PLXDC2: variants seen among roughly 807,000 people sequenced by gnomAD.
PLXDC2 encodes plexin domain-containing protein 2.
PLXDC2 carries 40 observed loss-of-function variants against 68.9 expected under a neutral mutation model. The ratio of observed to expected loss-of-function variants is 0.58; its 90% CI spans 0.45 to 0.76. The LOEUF is 0.76. Among genes scored for constraint, PLXDC2 ranks in the 30% least tolerant of loss-of-function variants. The probability of loss-of-function intolerance (pLI) is 0.00; values close to 1 mark genes in which losing one functional copy is unlikely to be tolerated. For synonymous variants in PLXDC2, 243 were observed against 234.2 expected (o/e 1.04, Z -0.34); for missense variants, 644 against 661.9 (o/e 0.97, Z 0.30).
At chr10:20,228,635 A>C (rs34343476) in intron 12 of PLXDC2, among the ~76,000 whole-genome samples, 49,315 of 149,008 alleles carry the variant, frequency 0.33, 8,204 homozygotes, top group Non-Finnish European at 0.37. Context: ...GGAAGGGCGG[A>C]AGGGAGGGAG....
At chr10:20,142,745 G>T (rs1444415576) in intron 4 of PLXDC2, among the ~76,000 whole-genome samples, 2 of 151,714 alleles carry the variant, frequency 1.3e-5, no homozygotes, top group Admixed American at 6.6e-5. Context: ...AGAGGCTTGA[G>T]CAAACCAACA....
intron 1 of PLXDC2, among the ~76,000 whole-genome samples, chr10:19,852,381 G>T (rs889406894): frequency 3.1e-5 from 4 of 127,450 alleles, no homozygotes; most frequent in Non-Finnish European, 6.3e-5. Flanking sequence ...AGCCCACATT[G>T]CATCACTGCA....
chr10:19,975,172 A>C (rs1169352023), intron 1 of PLXDC2, among the ~76,000 whole-genome samples: 2 of 152,226 alleles, frequency 1.3e-5, no homozygotes, highest in East Asian at 1.9e-4. Flanking sequence ...ACACAGCAGA[A>C]GGCCTGGCGC....
chr10:20,230,602 G>A (rs1169205049), intron 12 of PLXDC2, among the ~76,000 whole-genome samples: 1 of 147,298 alleles, frequency 6.8e-6, no homozygotes, highest in Non-Finnish European at 1.5e-5. Context: ...AGCCCAGGAG[G>A]TCCAGGCTGC....
chr10:20,057,461 T>C (rs1025399049), intron 3 of PLXDC2, among the ~76,000 whole-genome samples: 3 of 152,176 alleles, frequency 2.0e-5, no homozygotes, highest in African/African-American at 7.2e-5. Context: ...GATGGATGGA[T>C]AATACCCTAC....
At position 20,143,361 on chromosome 10, in the gene PLXDC2, T is replaced by C; in HGVS notation, c.608T>C (p.Met203Thr). ...GCCACACAGTACATAGCACCTTTAATGGCAAATTTCGATCCCAGTGTATCC... is the reference window on the plus strand; with the variant it reads ...GCCACACAGTACATAGCACCTTTAACGGCAAATTTCGATCCCAGTGTATCC... ...LTATQYIAPL[M>T]ANFDPSVSRN... The change falls in exon 5 of 14, where the codon ATG (methionine) becomes ACG (threonine). Residue 203 changes from methionine to threonine, a missense_variant. By Grantham distance (81) the Met-to-Thr change is moderately conservative. Coordinates refer to ENST00000377252, the MANE Select transcript of PLXDC2 (RefSeq NM_032812.9). The C allele has an allele frequency of 6.2e-7, 1 of 1,613,360 alleles. No homozygotes were observed. Among genetic ancestry groups the C allele is most frequent in the Non-Finnish European group, 8.5e-7 (1 of 1,179,412 alleles).
chr10:20,149,108 A>G (rs1455330555), intron 6 of PLXDC2, among the ~76,000 whole-genome samples: 1 of 150,564 alleles, frequency 6.6e-6, no homozygotes, highest in Non-Finnish European at 1.5e-5. Context: ...TCAGGAGTAC[A>G]TGTGTAGGTG....
chr10:20,030,087 G>C (rs72791844), intron 2 of PLXDC2, among the ~76,000 whole-genome samples: 1 of 152,248 alleles, frequency 6.6e-6, no homozygotes, highest in Non-Finnish European at 1.5e-5. Context: ...TGCTACTTAA[G>C]AGTATTATGA....
rs113846325 is a variant in PLXDC2, at chr10:20,028,189, G to T, written c.325-18680G>T. ...CAGCGGTTCTCAGACTGGTCTGCACGTTGGGATCACACTCTGCATTCCATC... is the reference window on the plus strand; with the variant it reads ...CAGCGGTTCTCAGACTGGTCTGCACTTTGGGATCACACTCTGCATTCCATC... On this transcript the variant is annotated intron_variant, in intron 2 of 13. Transcript: ENST00000377252. Among the ~76,000 whole-genome samples the T allele has an allele frequency of 3.2e-3, 482 of 152,274 alleles. 3 individuals carry two copies. Among genetic ancestry groups the T allele is most frequent in the African/African-American group, 0.01 (429 of 41,568 alleles).
intron 6 of PLXDC2, among the ~76,000 whole-genome samples, chr10:20,159,378 G>A (rs1170081368): frequency 6.6e-6 from 1 of 152,028 alleles, no homozygotes; most frequent in Non-Finnish European, 1.5e-5. Flanking sequence ...TTAAATCTAT[G>A]GGGAGTCTCA....
At chr10:20,144,097 A>C (rs1834042230) in intron 5 of PLXDC2, among the ~76,000 whole-genome samples, 1 of 152,180 alleles carries the variant, frequency 6.6e-6, no homozygotes, top group Non-Finnish European at 1.5e-5. Flanking sequence ...TCAACATCTT[A>C]TTGAAAGCTG....
chr10:20,045,064 T>C (rs905083339), intron 2 of PLXDC2, among the ~76,000 whole-genome samples: 1 of 152,228 alleles, frequency 6.6e-6, no homozygotes, highest in African/African-American at 2.4e-5. Context: ...ATCTTCCTTA[T>C]TCTTTCTTTA....
At chr10:20,175,665 C>A (rs1834517180) in intron 7 of PLXDC2, among the ~76,000 whole-genome samples, 1 of 152,010 alleles carries the variant, frequency 6.6e-6, no homozygotes, top group Non-Finnish European at 1.5e-5. Flanking sequence ...CCCATTTTTA[C>A]AAAAAATAAG....
chr10:19,819,482 G>GT lies in PLXDC2; in HGVS notation c.112+2291_112+2292insT, dbSNP rs386370874. On this transcript the variant is annotated intron_variant, in intron 1 of 13. Transcript: ENST00000377252. ...AATAGTCTATATAAAAATTCAGTAT[G>GT]GGGGGAAAAGTCCAGCAGTCTTGAC... 8.7e-5 allele frequency among the ~76,000 whole-genome samples: 5 copies of GT among 57,364 alleles called. No individual in the cohort carries two copies. The South Asian group carries it at 1.3e-3, about 15-fold the overall frequency. 37.6% of individuals were successfully genotyped at this position (57,364 alleles called of 152,430 possible). A position where few individuals can be genotyped will look rare whatever the true frequency, so the allele number is the denominator to read the frequency against.
intron 4 of PLXDC2, among the ~76,000 whole-genome samples, chr10:20,089,059 T>C (rs1833238883): frequency 6.6e-6 from 1 of 152,082 alleles, no homozygotes; most frequent in Admixed American, 6.6e-5. Context: ...GTCAGAACCA[T>C]AACAAATACA....
chr10:20,180,276 A>C (rs1834583993), intron 9 of PLXDC2, among the ~76,000 whole-genome samples: 1 of 152,098 alleles, frequency 6.6e-6, no homozygotes. Flanking sequence ...GTTTTATTGA[A>C]TACCGAACAC....
chr10:20,249,428 G>C (rs916103168), intron 13 of PLXDC2, among the ~76,000 whole-genome samples: 1 of 152,206 alleles, frequency 6.6e-6, no homozygotes, highest in African/African-American at 2.4e-5. Context: ...GATATGGACA[G>C]GGCTGGTTCC....
chr10:19,824,554 T>C (rs575934125), intron 1 of PLXDC2, among the ~76,000 whole-genome samples: 92 of 152,314 alleles, frequency 6.0e-4, no homozygotes, highest in African/African-American at 2.1e-3. Context: ...CTCTGTAGAG[T>C]ACTCCATTCT....
rs1316020447 is a variant in PLXDC2, at chr10:20,217,508, A to G, written c.1205A>G (p.Gln402Arg). 5 of 1,607,972 alleles carry G rather than the reference A, an allele frequency of 3.1e-6. No homozygotes were observed. The highest frequency in any genetic ancestry group is 4.2e-6 in the Non-Finnish European group (5 of 1,177,214). The change falls in exon 11 of 14, where the codon CAG (glutamine) becomes CGG (arginine). Residue 402 changes from glutamine (Q) to arginine (R), a missense_variant. Transcript: ENST00000377252. ...TTTTVGATTTQFRVLTTTRRA... is the reference protein window; with the variant it reads ...TTTTVGATTTRFRVLTTTRRA... ...ACAACCGTAGGAGCGACAACCACCC[A>G]GTTCAGGGTCCTAACTACCACCAGA... is the stretch of plus-strand genomic sequence containing the variant.
Sources: allele counts gnomAD v4.1 joint callset (sites outside exome capture counted in the v4.1 genomes callset), GRCh38; gene constraint gnomAD v4.1.1; transcripts MANE v1.5; gene names NCBI Gene and HGNC (gene_info 2026-07-23, HGNC 2026-07-21).